NKAIN3: variants seen among roughly 807,000 people sequenced by gnomAD.
NKAIN3 encodes the protein sodium/potassium transporting ATPase interacting 3.
Under a neutral mutation model 30.2 loss-of-function variants are expected in NKAIN3, and 25 were observed. That is an observed-to-expected ratio of 0.83 (90% CI 0.60 to 1.16). The LOEUF (loss-of-function observed/expected upper bound fraction) is 1.16, where lower values mean the gene tolerates loss of function less well. NKAIN3 is among the 50% of genes most tolerant of loss of function. The pLI, the probability that NKAIN3 is intolerant of heterozygous loss-of-function variation, is 0.00. For missense variants in NKAIN3, 225 were observed against 254.1 expected (o/e 0.89, Z 0.78); for synonymous variants, 91 against 89.6 (o/e 1.02, Z -0.09).
intron 4 of NKAIN3, among the ~76,000 whole-genome samples, chr8:62,877,012 G>A (rs11775329): frequency 0.21 from 31,764 of 151,706 alleles, 4,011 homozygotes; most frequent in South Asian, 0.31. Flanking sequence ...AGGAGAGAGA[G>A]AGAGTGAAAG....
chr8:62,917,763 T>A (rs549990199), intron 4 of NKAIN3, among the ~76,000 whole-genome samples: 1 of 152,312 alleles, frequency 6.6e-6, no homozygotes, highest in South Asian at 2.1e-4. Context: ...GACAATTTTG[T>A]CCTCTAGGAA....
chr8:62,399,239 C>T (rs1385706815), intron 1 of NKAIN3, among the ~76,000 whole-genome samples: 1 of 152,118 alleles, frequency 6.6e-6, no homozygotes, highest in Non-Finnish European at 1.5e-5. Flanking sequence ...GGCATGGTAG[C>T]TCATGCTTGT....
chr8:62,908,759 C>T (rs909338731), intron 4 of NKAIN3, among the ~76,000 whole-genome samples: 5 of 152,180 alleles, frequency 3.3e-5, no homozygotes, highest in African/African-American at 4.8e-5. Flanking sequence ...AACCTCTTTC[C>T]TTTATAAATT....
At chr8:62,932,087 T>C (rs1412880600) in intron 5 of NKAIN3, among the ~76,000 whole-genome samples, 1 of 152,226 alleles carries the variant, frequency 6.6e-6, no homozygotes, top group African/African-American at 2.4e-5. Context: ...GTCCCTTAAA[T>C]ACTTAAACTG....
At chr8:62,772,763 C>A (rs936005187) in intron 4 of NKAIN3, among the ~76,000 whole-genome samples, 3 of 151,358 alleles carry the variant, frequency 2.0e-5, no homozygotes, top group African/African-American at 7.3e-5. Context: ...CAGGTTCAAG[C>A]GATTCTTTTG....
chr8:62,898,280 A>G (rs1289921174), intron 4 of NKAIN3, among the ~76,000 whole-genome samples: 1 of 152,210 alleles, frequency 6.6e-6, no homozygotes, highest in Non-Finnish European at 1.5e-5. Context: ...TTATCACAGC[A>G]TAATTCACAA....
intron 3 of NKAIN3, among the ~76,000 whole-genome samples, chr8:62,666,136 C>A (rs920562547): frequency 6.6e-6 from 1 of 152,042 alleles, no homozygotes; most frequent in East Asian, 1.9e-4. Context: ...TTGCTTGAAC[C>A]CAGAAGGCAG....
At chr8:62,852,311 C>T (rs564325859) in intron 4 of NKAIN3, among the ~76,000 whole-genome samples, 8 of 151,974 alleles carry the variant, frequency 5.3e-5, no homozygotes, top group East Asian at 1.9e-4. Context: ...TCCCCTTTAT[C>T]GTTTTTTATT....
Position 62,784,294 on chromosome 8 carries a change from T to C in NKAIN3, c.471+37165T>C, listed in dbSNP as rs568264376. On this transcript the variant is annotated intron_variant, in intron 4 of 6. Transcript: ENST00000623646. Reference sequence around the variant, plus strand: ...TAATAAAGAGTAAAGCAAAAACTAATAAAATAAAAATAGAAAAACAACAGG... The same window carrying C: ...TAATAAAGAGTAAAGCAAAAACTAACAAAATAAAAATAGAAAAACAACAGG... Among the ~76,000 whole-genome samples, 4 of 151,402 alleles carry C rather than the reference T, an allele frequency of 2.6e-5. No homozygotes were observed. The East Asian group carries it at 7.8e-4, about 30-fold the overall frequency.
At chr8:62,631,384 G>A (rs1049136167) in intron 3 of NKAIN3, among the ~76,000 whole-genome samples, 5 of 151,992 alleles carry the variant, frequency 3.3e-5, no homozygotes, top group East Asian at 1.9e-4. Flanking sequence ...TTCACCCATC[G>A]CCTAATCCAG....
At chr8:62,671,950 C>G (rs761166693) in intron 3 of NKAIN3, among the ~76,000 whole-genome samples, 30 of 152,242 alleles carry the variant, frequency 2.0e-4, no homozygotes, top group Non-Finnish European at 2.8e-4. Flanking sequence ...TGGATTAGCT[C>G]ACATGCCCAC....
chr8:62,405,344 A>C (rs983278272), intron 1 of NKAIN3, among the ~76,000 whole-genome samples: 21 of 152,226 alleles, frequency 1.4e-4, no homozygotes, highest in African/African-American at 4.8e-4. Flanking sequence ...CAGGAATTGC[A>C]GCCTTTGTGG....
At chr8:62,816,915 G>T (rs941838102) in intron 4 of NKAIN3, among the ~76,000 whole-genome samples, 7 of 152,130 alleles carry the variant, frequency 4.6e-5, no homozygotes, top group Non-Finnish European at 7.4e-5. Context: ...CTGGGCTCAG[G>T]ACCTGCAAGA....
intron 1 of NKAIN3, among the ~76,000 whole-genome samples, chr8:62,341,864 A>C (rs1815757888): frequency 6.6e-6 from 1 of 151,850 alleles, no homozygotes; most frequent in Non-Finnish European, 1.5e-5. Flanking sequence ...GGCTAAGGAA[A>C]TTTTCTCCCT....
intron 3 of NKAIN3, among the ~76,000 whole-genome samples, chr8:62,691,931 T>C (rs868807126): frequency 6.6e-6 from 1 of 152,230 alleles, no homozygotes; most frequent in East Asian, 1.9e-4. Flanking sequence ...AAATTATTCA[T>C]GTGTCCATGG....
chr8:62,370,686 G>A (rs565102034), intron 1 of NKAIN3, among the ~76,000 whole-genome samples: 2 of 151,958 alleles, frequency 1.3e-5, no homozygotes, highest in African/African-American at 4.8e-5. Context: ...GAAACAGCTA[G>A]CACTACCTAT....
At chr8:62,501,785 T>C (rs1807461899) in intron 1 of NKAIN3, among the ~76,000 whole-genome samples, 1 of 152,156 alleles carries the variant, frequency 6.6e-6, no homozygotes, top group Non-Finnish European at 1.5e-5. Context: ...ACATTTCCTG[T>C]GTATAAGTAT....
At chr8:62,379,458 T>A (rs928601706) in intron 1 of NKAIN3, among the ~76,000 whole-genome samples, 1 of 152,170 alleles carries the variant, frequency 6.6e-6, no homozygotes, top group South Asian at 2.1e-4. Flanking sequence ...GTGTCCCCAC[T>A]CAAATCTCAT....
At chr8:62,674,058 T>A (rs1813395548) in intron 3 of NKAIN3, among the ~76,000 whole-genome samples, 1 of 152,240 alleles carries the variant, frequency 6.6e-6, no homozygotes, top group South Asian at 2.1e-4. Flanking sequence ...AAGCTCTCGA[T>A]GTTACTTTGT....
Sources: gnomAD v4.1 joint callset for allele counts (sites outside exome capture counted in the v4.1 genomes callset) on GRCh38, gnomAD v4.1.1 for gene constraint, MANE v1.5 for transcripts, NCBI Gene and HGNC (gene_info 2026-07-23, HGNC 2026-07-21) for gene names.